The following CAMTA1 variants were observed in gnomAD, a reference collection of about 807,000 sequenced individuals.
CAMTA1 encodes the protein calmodulin-binding transcription activator 1.
Under a neutral mutation model 170.9 loss-of-function variants are expected in CAMTA1, and 27 were observed. That is an observed-to-expected ratio of 0.16 (90% CI 0.12 to 0.22). CAMTA1 has a LOEUF of 0.22. Ranked by LOEUF, CAMTA1 falls within the 10% of genes least tolerant of loss-of-function variation. The probability of loss-of-function intolerance (pLI) is 1.00; values close to 1 mark genes in which losing one functional copy is unlikely to be tolerated. For missense variants in CAMTA1, 1,619 were observed against 2,217.2 expected, an observed-to-expected ratio of 0.73 and a Z score of 5.42; for synonymous variants, 833 against 891.5, an observed-to-expected ratio of 0.93 and a Z score of 1.17.
intron 3 of CAMTA1, among the ~76,000 whole-genome samples, chr1:7,029,173 T>C (rs981236195): frequency 6.6e-6 from 1 of 152,200 alleles, no homozygotes; most frequent in Admixed American, 6.5e-5. Flanking sequence ...GAGCCTTCAT[T>C]GCTCTTATGA....
At chr1:6,908,978 G>A (rs868153045) in intron 3 of CAMTA1, among the ~76,000 whole-genome samples, 7 of 152,226 alleles carry the variant, frequency 4.6e-5, no homozygotes, top group African/African-American at 7.2e-5. Flanking sequence ...AAAAAGCATC[G>A]AATCAAAGAA....
chr1:7,164,681 C>G (rs933015452), intron 4 of CAMTA1, among the ~76,000 whole-genome samples: 4 of 152,232 alleles, frequency 2.6e-5, no homozygotes, highest in African/African-American at 7.2e-5. Context: ...ATGGACAGAT[C>G]ATTTGAAAAT....
At chr1:7,272,866 A>G (rs1323119160) in intron 5 of CAMTA1, among the ~76,000 whole-genome samples, 2 of 152,108 alleles carry the variant, frequency 1.3e-5, no homozygotes, top group East Asian at 1.9e-4. Flanking sequence ...AGGTTGAGAA[A>G]TGATTTCAAT....
intron 3 of CAMTA1, among the ~76,000 whole-genome samples, chr1:7,087,250 G>A (rs964830007): frequency 5.3e-5 from 8 of 152,284 alleles, no homozygotes; most frequent in South Asian, 2.1e-4. Context: ...AGCATCTCCC[G>A]CTCTGTGTGT....
chr1:6,891,608 C>CT (rs1674504465), intron 3 of CAMTA1, among the ~76,000 whole-genome samples: 1 of 152,172 alleles, frequency 6.6e-6, no homozygotes. Flanking sequence ...TTTTTGCCAT[C>CT]TCATAGCTAC....
chr1:7,635,557 C>G lies in CAMTA1; in HGVS notation c.511-4843C>G, dbSNP rs981903742. Among the ~76,000 whole-genome samples the G allele has an allele frequency of 6.7e-6, 1 of 150,024 alleles. No homozygotes were observed. The highest frequency in any genetic ancestry group is 2.5e-5 in the African/African-American group (1 of 40,400). On this transcript the variant is annotated intron_variant, in intron 6 of 22. Coordinates refer to ENST00000303635, the MANE Select transcript of CAMTA1 (RefSeq NM_015215.4). This position sits in a 1 kb window ranked among gnomAD's most constrained non-coding sequence, Gnocchi z 4.4. ...CCGGGAGGCGGAGGTTGCAGTGAGC[C>G]GAGATCGCGCCACTGCACTCCAGCC...
At chr1:7,721,619 AG>A (rs1416833363) in intron 11 of CAMTA1, among the ~76,000 whole-genome samples, 1 of 152,198 alleles carries the variant, frequency 6.6e-6, no homozygotes, top group Non-Finnish European at 1.5e-5. Flanking sequence ...AGAGAACCCT[AG>A]AAACGTAGCC....
chr1:7,654,111 T>A (rs1034774998), intron 7 of CAMTA1, among the ~76,000 whole-genome samples: 2 of 152,104 alleles, frequency 1.3e-5, no homozygotes, highest in African/African-American at 2.4e-5. Flanking sequence ...CTAGGCGTGG[T>A]GGCTCACACC....
intron 1 of CAMTA1, among the ~76,000 whole-genome samples, chr1:6,802,761 G>A (rs377596132): frequency 6.6e-6 from 1 of 151,478 alleles, no homozygotes; most frequent in African/African-American, 2.4e-5. Flanking sequence ...TTGAGACAAG[G>A]TCTTATTCTG....
At chr1:7,458,351 A>G (rs1045637940) in intron 5 of CAMTA1, among the ~76,000 whole-genome samples, 6 of 152,164 alleles carry the variant, frequency 3.9e-5, no homozygotes, top group African/African-American at 7.2e-5. Flanking sequence ...TCTGAGCTGC[A>G]GTTCCCACAT....
In CAMTA1 at chr1:7,002,792, A is replaced by G. The variant is rs909114749; in HGVS notation, c.235-88512A>G. Among the ~76,000 whole-genome samples, 4 of 152,172 alleles carry G rather than the reference A, an allele frequency of 2.6e-5. No individual in the cohort carries two copies. In the East Asian group the frequency reaches 7.7e-4, roughly 29 times the overall value. ...CTGAAATCCAGAGGCACTGCCGTCT[A>G]TGGAAATGCAGGTTCTATCAAAAGA... On this transcript the variant is annotated intron_variant, in intron 3 of 22. Coordinates refer to ENST00000303635, the MANE Select transcript of CAMTA1 (RefSeq NM_015215.4).
intron 6 of CAMTA1, among the ~76,000 whole-genome samples, chr1:7,544,214 A>G (rs113602295): frequency 9.5e-4 from 144 of 152,340 alleles, no homozygotes; most frequent in African/African-American, 3.2e-3. Flanking sequence ...GTGGCAAGAG[A>G]AAAATGAAGA....
At chr1:6,826,479 G>A (rs1377232400) in intron 3 of CAMTA1, among the ~76,000 whole-genome samples, 1 of 152,126 alleles carries the variant, frequency 6.6e-6, no homozygotes, top group African/African-American at 2.4e-5. Context: ...ATCATAGTTT[G>A]TTACTCTTTC....
intron 3 of CAMTA1, among the ~76,000 whole-genome samples, chr1:6,913,652 A>T (rs894447180): frequency 1.3e-5 from 2 of 152,000 alleles, no homozygotes; most frequent in Non-Finnish European, 2.9e-5. Context: ...TTTCTGTTTG[A>T]TTCAGCACAA....
At chr1:6,842,023 A>T (rs1399657657) in intron 3 of CAMTA1, among the ~76,000 whole-genome samples, 1 of 152,058 alleles carries the variant, frequency 6.6e-6, no homozygotes, top group Non-Finnish European at 1.5e-5. Flanking sequence ...TCTTGCCCAG[A>T]CTCAGCGCCA....
chr1:6,939,888 G>C (rs913365712), intron 3 of CAMTA1, among the ~76,000 whole-genome samples: 14 of 152,248 alleles, frequency 9.2e-5, no homozygotes, highest in African/African-American at 3.1e-4. Flanking sequence ...AGCACCCCAA[G>C]CAACTGGGCG....
chr1:7,471,887 C>T (rs1032086522), intron 6 of CAMTA1, among the ~76,000 whole-genome samples: 1 of 152,250 alleles, frequency 6.6e-6, no homozygotes, highest in Admixed American at 6.5e-5. Flanking sequence ...TCTCTGCATT[C>T]TCCGCCTGCC....
intron 3 of CAMTA1, among the ~76,000 whole-genome samples, chr1:6,972,464 G>A (rs969611601): frequency 6.6e-6 from 1 of 152,166 alleles, no homozygotes; most frequent in East Asian, 1.9e-4. Context: ...GCACTTCTGT[G>A]TGCTGATTTC....
chr1:6,803,612 CA>C (rs1400072247), intron 1 of CAMTA1, among the ~76,000 whole-genome samples: 1 of 152,178 alleles, frequency 6.6e-6, no homozygotes, highest in Non-Finnish European at 1.5e-5. Flanking sequence ...TTCAGAAAAG[CA>C]ATACTGAGTA....
Sources: gnomAD v4.1 joint callset for allele counts (sites outside exome capture counted in the v4.1 genomes callset) on GRCh38, gnomAD v4.1.1 for gene constraint, Gnocchi (gnomAD v3.1) non-coding constraint, MANE v1.5 for transcripts, NCBI Gene and HGNC (gene_info 2026-07-23, HGNC 2026-07-21) for gene names.